EPHA2: variants seen among roughly 807,000 people sequenced by gnomAD.
The protein encoded by EPHA2 is EPH receptor A2.
A neutral mutation model predicts 104.9 loss-of-function variants in EPHA2; 54 were observed. The ratio of observed to expected loss-of-function variants is 0.51; its 90% CI spans 0.41 to 0.65. EPHA2 has a LOEUF of 0.65. Among genes scored for constraint, EPHA2 ranks in the 30% least tolerant of loss-of-function variants. The pLI is 0.00. For missense variants in EPHA2, 1,117 were observed against 1,369.5 expected (o/e 0.82, Z 2.91); for synonymous variants, 560 against 559.1 (o/e 1.00, Z -0.02).
rs1289768215 is a variant in EPHA2 at position 16,133,905 on chromosome 1, G to A, written c.1693C>T (p.Gln565Ter). The A allele has an allele frequency of 6.4e-7, 1 of 1,550,768 alleles. No individual in the cohort carries two copies. The highest frequency in any genetic ancestry group is 2.4e-5 in the East Asian group (1 of 40,914). The change falls in exon 9 of 17, where the codon CAG (glutamine) becomes TAG (stop). Residue 565 changes from glutamine to a stop codon, truncating the protein, a stop_gained. Coordinates refer to ENST00000358432, the MANE Select transcript of EPHA2 (RefSeq NM_004431.5). LOFTEE classifies it high-confidence loss of function. ...TCCTCCGGGGACTGGCGGGCACGCT[G>A]GTTCTTCCTCCTGAAAGAGCCCCAC... is the stretch of plus-strand genomic sequence containing the variant. The part of the protein sequence containing the change: ...GFFIHRRRKN[Q>*]RARQSPEDVY...
At chr1:16,154,981 C>A (rs991404705) in intron 1 of EPHA2, among the ~76,000 whole-genome samples, 1 of 152,062 alleles carries the variant, frequency 6.6e-6, no homozygotes, top group African/African-American at 2.4e-5. Flanking sequence ...AGGGACAACA[C>A]CCCCACCACG....
chr1:16,136,839 C>A (rs1187073154), intron 5 of EPHA2, among the ~76,000 whole-genome samples: 1 of 149,484 alleles, frequency 6.7e-6, no homozygotes, highest in Admixed American at 6.7e-5. Context: ...GCTCTTGTTG[C>A]CCAGGCTGGA....
In EPHA2 at chr1:16,131,989, C is replaced by T; in HGVS notation, c.2325+75G>A. 6.2e-7 allele frequency: 1 copy of T among 1,611,452 alleles called. No homozygotes were observed. The highest frequency in any genetic ancestry group is 1.7e-5 in the Admixed American group (1 of 59,614). ...AGGTGTTCTGCCTCCTGAAGCACTG[C>T]CCAGGTGTGCAGGTGAGAGGACACC... On this transcript the variant is annotated intron_variant, in intron 13 of 16. Coordinates refer to ENST00000358432, the MANE Select transcript of EPHA2 (RefSeq NM_004431.5). The surrounding 1 kb of genome is among the most constrained non-coding windows in gnomAD (Gnocchi z 5.2).
intron 1 of EPHA2, among the ~76,000 whole-genome samples, chr1:16,152,863 G>A (rs2025069288): frequency 6.6e-6 from 1 of 152,166 alleles, no homozygotes; most frequent in African/African-American, 2.4e-5. Flanking sequence ...AGCCCCCCCT[G>A]CAGGGGTTTC....
intron 3 of EPHA2, among the ~76,000 whole-genome samples, chr1:16,147,769 A>C (rs1208687154): frequency 6.6e-6 from 1 of 151,764 alleles, no homozygotes; most frequent in Admixed American, 6.6e-5. Context: ...AAATGGCCTA[A>C]AGCCACACAG....
At position 16,135,646 on chromosome 1, in the gene EPHA2, G is replaced by A; in HGVS notation, c.1428+9C>T. ...CAGCTAGAGCCAGCCCCGCCCCTCT[G>A]GGAGTTACCTTCTTGCGGTAAGTGA... On this transcript the variant is annotated intron_variant, in intron 6 of 16. Transcript: ENST00000358432. This position sits in a 1 kb window ranked among gnomAD's most constrained non-coding sequence, Gnocchi z 4.3. 6.2e-7 allele frequency: 1 copy of A among 1,613,260 alleles called. No homozygotes were observed. The highest frequency in any genetic ancestry group is 8.5e-7 in the Non-Finnish European group (1 of 1,179,350).
chr1:16,132,962 C>T (rs564082040), intron 11 of EPHA2: 44 of 531,260 alleles, frequency 8.3e-5, no homozygotes, highest in South Asian at 3.0e-4. Flanking sequence ...GAGGTGGGCA[C>T]GGGTGTAAGG....
intron 16 of EPHA2, among the ~76,000 whole-genome samples, chr1:16,126,835 GT>G (rs1206069126): frequency 6.6e-6 from 1 of 152,192 alleles, no homozygotes; most frequent in Admixed American, 6.5e-5. Context: ...AGGAGGACAA[GT>G]GCTGAGACCT....
chr1:16,149,076 G>A, intron 2 of EPHA2, 29 bp from the exon 3 acceptor site: 1 of 1,608,058 alleles, frequency 6.2e-7, no homozygotes, highest in Non-Finnish European at 8.5e-7. Context: ...GGTTAGTGTG[G>A]GCAGGTGCCT....
Position 16,130,506 on chromosome 1 carries a change from G to C in EPHA2, c.2476-87C>G. On this transcript the variant is annotated intron_variant, in intron 14 of 16. Coordinates refer to ENST00000358432, the MANE Select transcript of EPHA2 (RefSeq NM_004431.5). This position sits in a 1 kb window ranked among gnomAD's most constrained non-coding sequence, Gnocchi z 4.5. ...CCAGCCTATGGAGGTGGGCAGGGGAGGGGAGGGGAACAGGAACATCCCAGA... is the reference window on the plus strand; with the variant it reads ...CCAGCCTATGGAGGTGGGCAGGGGACGGGAGGGGAACAGGAACATCCCAGA... 5 of 1,338,994 alleles carry C rather than the reference G, an allele frequency of 3.7e-6. No individual in the cohort carries two copies. The highest frequency in any genetic ancestry group is 5.0e-6 in the Non-Finnish European group (5 of 997,776). The allele number at this position is 1,338,994 out of a possible 1,614,324, so 82.9% of individuals were successfully genotyped here.
chr1:16,152,063 A>C (rs2025048354), intron 1 of EPHA2, among the ~76,000 whole-genome samples: 1 of 152,228 alleles, frequency 6.6e-6, no homozygotes, highest in Non-Finnish European at 1.5e-5. Flanking sequence ...GTAAGGAGAT[A>C]GGAGAAACCG....
chr1:16,137,628 T>C (rs539159331), intron 5 of EPHA2, among the ~76,000 whole-genome samples: 1 of 152,320 alleles, frequency 6.6e-6, no homozygotes, highest in South Asian at 2.1e-4. Flanking sequence ...GCAAAAATAA[T>C]ATCATAATGT....
chr1:16,132,520 G>A lies in EPHA2; in HGVS notation c.2054-81C>T, dbSNP rs1033776063. On this transcript the variant is annotated intron_variant, in intron 11 of 16. Coordinates refer to ENST00000358432, the MANE Select transcript of EPHA2 (RefSeq NM_004431.5). ...TGGGCACAGATATGGGGGAAGGTGG[G>A]CACAGGTGTAGGAGAGGTGGGCACA... The A allele has an allele frequency of 4.6e-6, 7 of 1,523,454 alleles. No homozygotes were observed. In the African/African-American group the frequency reaches 5.5e-5, roughly 12 times the overall value. The allele number at this position is 1,523,454 out of a possible 1,614,324, so 94.4% of individuals were successfully genotyped here.
chr1:16,148,483 C>G lies in EPHA2; in HGVS notation c.718G>C (p.Gly240Arg). ...GCACAGTGCATACGGGGCTCTTCAC[C>G]CCCCGGTGGCACCACGGCATGGTCC... ...CVDHAVVPPG[G>R]EEPRMHCAVD... Residue 240 changes from glycine (G) to arginine (R), a missense_variant, in exon 3 of 17, where the codon GGT becomes CGT. This residue lies in a region of EPHA2 where 664 missense variants were observed against 784.8 expected (regional missense o/e 0.85). Coordinates refer to ENST00000358432, the MANE Select transcript of EPHA2 (RefSeq NM_004431.5). This position sits in a 1 kb window ranked among gnomAD's most constrained non-coding sequence, Gnocchi z 4.9. The G allele has an allele frequency of 1.2e-6, 2 of 1,613,846 alleles. No homozygotes were observed. Among genetic ancestry groups the G allele is most frequent in the South Asian group, 1.1e-5 (1 of 91,090 alleles).
In EPHA2 at chr1:16,150,625, C is replaced by T. The variant is rs1011644117; in HGVS notation, c.153+271G>A. ...GTCAGCCCTTCTGGAACATGGAAGG[C>T]CCAGCTCCGCTAGGGCCTTCTCTGT... On this transcript the variant is annotated intron_variant, in intron 2 of 16. Coordinates refer to ENST00000358432, the MANE Select transcript of EPHA2 (RefSeq NM_004431.5). This position sits in a 1 kb window ranked among gnomAD's most constrained non-coding sequence, Gnocchi z 4.8. Among the ~76,000 whole-genome samples, 6 of 152,228 alleles carry T rather than the reference C, an allele frequency of 3.9e-5. No homozygotes were observed. Among genetic ancestry groups the T allele is most frequent in the Admixed American group, 6.5e-5 (1 of 15,290 alleles).
intron 9 of EPHA2, 35 bp downstream of exon 9, chr1:16,133,804 ACAGAGCTGGGGACGGTGCGGG>A (rs974501907): frequency 1.3e-6 from 2 of 1,505,278 alleles, no homozygotes; most frequent in African/African-American, 2.8e-5. Flanking sequence ...CACCTCCCCC[ACAGAGCTGGGGACGGTGCGGG>A]CAGGGCTGGG....
rs748329785 is a variant in EPHA2, at chr1:16,132,205, C to T, written c.2184G>A (p.Lys728=). ...GCACATAGTTCATGTTGGCCAGGTA[C>T]TTCATGCCAGCTGCGATGCCCCGCA... The part of the protein sequence containing the change: ...GMLRGIAAGM[K]YLANMNYVHR... The change falls in exon 13 of 17, where the codon AAG becomes AAA. Residue 728 remains lysine (K), a synonymous_variant. Coordinates refer to ENST00000358432, the MANE Select transcript of EPHA2 (RefSeq NM_004431.5). The T allele has an allele frequency of 1.2e-6, 2 of 1,614,090 alleles. No individual in the cohort carries two copies. Among genetic ancestry groups the T allele is most frequent in the African/African-American group, 1.3e-5 (1 of 74,930 alleles).
At position 16,135,261 on chromosome 1, in the gene EPHA2, A is replaced by G; in HGVS notation, c.1429-72T>C. On this transcript the variant is annotated intron_variant, in intron 6 of 16. Transcript: ENST00000358432. The surrounding 1 kb of genome is among the most constrained non-coding windows in gnomAD (Gnocchi z 4.3). ...GGGGCCTCGGCTCAGCCCGCTGGAG[A>G]CCACCCCAAGCTAGCAAGGTGGCTT... 1.3e-6 allele frequency: 2 copies of G among 1,599,478 alleles called. No individual in the cohort carries two copies. The highest frequency in any genetic ancestry group is 2.2e-5 in the East Asian group (1 of 44,722).
intron 3 of EPHA2, among the ~76,000 whole-genome samples, chr1:16,139,962 C>T (rs2024791143): frequency 6.6e-6 from 1 of 152,174 alleles, no homozygotes; most frequent in African/African-American, 2.4e-5. Flanking sequence ...GGCCTAAGGA[C>T]AACCCCCTCC....
Sources: allele counts gnomAD v4.1 joint callset (sites outside exome capture counted in the v4.1 genomes callset), GRCh38; gene constraint gnomAD v4.1.1; regional missense constraint gnomAD v4.1.1; non-coding constraint Gnocchi (gnomAD v3.1); transcripts MANE v1.5; gene names NCBI Gene and HGNC (gene_info 2026-07-23, HGNC 2026-07-21).